The following CDH13 variants were observed in gnomAD, a reference collection of about 807,000 sequenced individuals.
CDH13 encodes the protein cadherin-13.
Under a neutral mutation model 63.8 loss-of-function variants are expected in CDH13, and 24 were observed. The observed-to-expected ratio is 0.38, with a 90% CI of 0.27 to 0.53. The LOEUF is 0.53. Ranked by LOEUF, CDH13 falls within the 20% of genes least tolerant of loss-of-function variation. The pLI is 0.85. For missense variants in CDH13, 1,049 were observed against 903.1 expected (o/e 1.16, Z -2.07); for synonymous variants, 503 against 355.3 (o/e 1.42, Z -4.67).
At chr16:83,066,984 C>T (rs560931098) in intron 3 of CDH13, among the ~76,000 whole-genome samples, 1 of 152,264 alleles carries the variant, frequency 6.6e-6, no homozygotes, top group South Asian at 2.1e-4. Context: ...ATTTTTCCTG[C>T]CTCTAGGATG....
intron 6 of CDH13, among the ~76,000 whole-genome samples, chr16:83,409,864 G>T (rs962988657): frequency 1.3e-5 from 2 of 152,172 alleles, no homozygotes; most frequent in African/African-American, 4.8e-5. Context: ...TCTAAATCCT[G>T]ACTTGTGTCC....
chr16:83,175,781 A>G lies in CDH13; in HGVS notation c.484-41564A>G, dbSNP rs1436260514. Among the ~76,000 whole-genome samples, 3 of 151,700 alleles carry G rather than the reference A, an allele frequency of 2.0e-5. 1 individual carries two copies. Among genetic ancestry groups the G allele is most frequent in the South Asian group, 4.2e-4 (2 of 4,802 alleles). ...ATGTAAATGTGTATAATATGCTCAC[A>G]AAAATAAGATCATAATATACATACT... On this transcript the variant is annotated intron_variant, in intron 4 of 13. Coordinates refer to ENST00000567109, the MANE Select transcript of CDH13 (RefSeq NM_001257.5).
intron 2 of CDH13, among the ~76,000 whole-genome samples, chr16:82,974,416 T>G (rs925109107): frequency 1.3e-5 from 2 of 152,160 alleles, no homozygotes; most frequent in Non-Finnish European, 2.9e-5. Flanking sequence ...CCCTTTACGA[T>G]TCACATGCAG....
At chr16:83,673,166 C>G (rs1820893528) in intron 9 of CDH13, among the ~76,000 whole-genome samples, 1 of 152,226 alleles carries the variant, frequency 6.6e-6, no homozygotes, top group African/African-American at 2.4e-5. Flanking sequence ...CCTTAATTAA[C>G]TATCGCACAT....
At chr16:83,757,361 T>G (rs1444027698) in intron 11 of CDH13, among the ~76,000 whole-genome samples, 1 of 152,114 alleles carries the variant, frequency 6.6e-6, no homozygotes, top group Non-Finnish European at 1.5e-5. Context: ...GTGAATCACC[T>G]GAGGTCAGGA....
intron 7 of CDH13, among the ~76,000 whole-genome samples, chr16:83,595,110 C>T (rs555792855): frequency 6.6e-6 from 1 of 152,216 alleles, no homozygotes; most frequent in African/African-American, 2.4e-5. Flanking sequence ...TCTTACAAAT[C>T]AGATAGCTTC....
intron 2 of CDH13, among the ~76,000 whole-genome samples, chr16:82,992,637 C>A (rs1448220293): frequency 6.6e-6 from 1 of 152,082 alleles, no homozygotes; most frequent in East Asian, 1.9e-4. Context: ...TTAAAATTAG[C>A]CTATAAAGAC....
At chr16:82,987,267 G>T (rs1911059299) in intron 2 of CDH13, among the ~76,000 whole-genome samples, 1 of 152,204 alleles carries the variant, frequency 6.6e-6, no homozygotes, top group African/African-American at 2.4e-5. Context: ...GAAGGATTGT[G>T]TTGCATTAAT....
intron 4 of CDH13, among the ~76,000 whole-genome samples, chr16:83,125,834 T>C (rs1341926538): frequency 6.6e-6 from 1 of 152,150 alleles, no homozygotes; most frequent in East Asian, 1.9e-4. Flanking sequence ...CCTAGGATGG[T>C]AGTATGTTGA....
At chr16:83,664,002 A>C (rs1013079647) in intron 8 of CDH13, among the ~76,000 whole-genome samples, 9 of 152,062 alleles carry the variant, frequency 5.9e-5, no homozygotes, top group Middle Eastern at 3.4e-3. Flanking sequence ...CTCTACAAAA[A>C]AAAAAAAAAA....
intron 6 of CDH13, among the ~76,000 whole-genome samples, chr16:83,421,572 T>G (rs1011607568): frequency 6.6e-6 from 1 of 152,228 alleles, no homozygotes; most frequent in East Asian, 1.9e-4. Flanking sequence ...GGAGAGAAGA[T>G]TCATGATCTT....
chr16:83,004,438 A>T (rs1457063430), intron 2 of CDH13, among the ~76,000 whole-genome samples: 3 of 152,118 alleles, frequency 2.0e-5, no homozygotes, highest in Non-Finnish European at 4.4e-5. Context: ...TTCCTCATAA[A>T]CCACTCCAGG....
intron 5 of CDH13, among the ~76,000 whole-genome samples, chr16:83,330,528 A>G (rs2090458079): frequency 6.6e-6 from 1 of 152,188 alleles, no homozygotes; most frequent in African/African-American, 2.4e-5. Context: ...AGGCCAACCC[A>G]AAGTGCTAAG....
chr16:82,887,119 G>A (rs1052519959), intron 2 of CDH13, among the ~76,000 whole-genome samples: 1 of 152,122 alleles, frequency 6.6e-6, no homozygotes, highest in African/African-American at 2.4e-5. Flanking sequence ...TTAATATAGG[G>A]AGGAAACCAC....
At chr16:83,740,991 T>C (rs1411942876) in intron 10 of CDH13, among the ~76,000 whole-genome samples, 1 of 152,152 alleles carries the variant, frequency 6.6e-6, no homozygotes, top group Non-Finnish European at 1.5e-5. Context: ...TCCAGATGGA[T>C]CCTCTAGGGC....
intron 4 of CDH13, among the ~76,000 whole-genome samples, chr16:83,170,496 A>ACC (rs1272861702): frequency 6.6e-6 from 1 of 152,160 alleles, no homozygotes; most frequent in Admixed American, 6.6e-5. Flanking sequence ...TGAGAAACTC[A>ACC]CCAATACAAT....
rs1206684926 is a variant in CDH13 at position 82,824,001 on chromosome 16, G to A, written c.46-34361G>A. ...ATTTTCTAGCAAAAGAAACCAAGCT[G>A]TCTTGAGAAAATGATTGAGTTTATA... On this transcript the variant is annotated intron_variant, in intron 1 of 13. Transcript: ENST00000567109. The A allele has an allele frequency of 2.0e-5, 3 of 152,120 alleles. No individual in the cohort carries two copies. In the South Asian group the frequency reaches 6.2e-4, roughly 32 times the overall value. 9.4% of individuals were successfully genotyped at this position (152,120 alleles called of 1,614,324 possible).
At chr16:83,772,169 A>G (rs190588973) in intron 11 of CDH13, among the ~76,000 whole-genome samples, 75 of 152,358 alleles carry the variant, frequency 4.9e-4, no homozygotes, top group African/African-American at 1.6e-3. Flanking sequence ...AAGAAGTAGT[A>G]TAAGACTGAA....
At chr16:83,291,492 C>G (rs915863390) in intron 5 of CDH13, among the ~76,000 whole-genome samples, 2 of 152,114 alleles carry the variant, frequency 1.3e-5, no homozygotes, top group Non-Finnish European at 2.9e-5. Context: ...CATTAGGCAG[C>G]GTAGTTAGTA....
Sources: gnomAD v4.1 joint callset for allele counts (sites outside exome capture counted in the v4.1 genomes callset) on GRCh38, gnomAD v4.1.1 for gene constraint, MANE v1.5 for transcripts, NCBI Gene and HGNC (gene_info 2026-07-23, HGNC 2026-07-21) for gene names.